The following TBC1D12 variants were observed in gnomAD, a reference collection of about 807,000 sequenced individuals.
TBC1D12 encodes the protein TBC1 domain family, member 12.
A neutral mutation model predicts 86.7 loss-of-function variants in TBC1D12; 56 were observed. The observed-to-expected ratio is 0.65, with a 90% confidence interval of 0.52 to 0.81. TBC1D12 has a LOEUF of 0.81. Ranked by LOEUF, TBC1D12 falls within the 30% of genes least tolerant of loss-of-function variation. TBC1D12 has a pLI of 0.00. For synonymous variants in TBC1D12, 421 were observed against 411.7 expected, an observed-to-expected ratio of 1.02 and a Z score of -0.27; for missense variants, 1,023 against 1,038.8, an observed-to-expected ratio of 0.98 and a Z score of 0.21.
In TBC1D12 at chr10:94,521,506, C is replaced by T. The variant is rs77504829; in HGVS notation, c.1762-449C>T. Reference sequence around the variant, plus strand: ...CCAGGCTCAACCCCCACAACGTCTCCTTTCTTGGTATTTCAGCAGCACTTC... The same window carrying T: ...CCAGGCTCAACCCCCACAACGTCTCTTTTCTTGGTATTTCAGCAGCACTTC... On this transcript the variant is annotated intron_variant, in intron 9 of 12. Transcript: ENST00000225235. Among the ~76,000 whole-genome samples the T allele has an allele frequency of 3.5e-4, 54 of 152,266 alleles. No individual in the cohort carries two copies. The East Asian group carries it at 9.1e-3, about 26-fold the overall frequency.
At chr10:94,454,501 G>A (rs757306972) in intron 2 of TBC1D12, among the ~76,000 whole-genome samples, 4 of 152,168 alleles carry the variant, frequency 2.6e-5, no homozygotes, top group Non-Finnish European at 5.9e-5. Flanking sequence ...GTGAGCCACT[G>A]CGCCCGGCGA....
Position 94,447,222 on chromosome 10 carries a change from C to A in TBC1D12, c.1095+5203C>A, listed in dbSNP as rs571411450. On this transcript the variant is annotated intron_variant, in intron 2 of 12. Transcript: ENST00000225235. Reference sequence around the variant, plus strand: ...TTCATTTTTTTGTGTGGAAAAAACACGTAATTATTTTTACATGTATATATT... The same window carrying A: ...TTCATTTTTTTGTGTGGAAAAAACAAGTAATTATTTTTACATGTATATATT... Among the ~76,000 whole-genome samples, 3 of 151,472 alleles carry A rather than the reference C, an allele frequency of 2.0e-5. 1 individual carries two copies. The highest frequency in any genetic ancestry group is 4.1e-4 in the South Asian group (2 of 4,832).
chr10:94,487,250 T>TA (rs962747342), intron 3 of TBC1D12, among the ~76,000 whole-genome samples: 1 of 151,532 alleles, frequency 6.6e-6, no homozygotes, highest in African/African-American at 2.4e-5. Flanking sequence ...GTCTTTTTTT[T>TA]TTTTTTTTAA....
At chr10:94,456,256 G>A (rs2055625997) in intron 2 of TBC1D12, among the ~76,000 whole-genome samples, 1 of 152,050 alleles carries the variant, frequency 6.6e-6, no homozygotes, top group Non-Finnish European at 1.5e-5. Context: ...TAAGGTGGAA[G>A]CTTAGATGAT....
intron 11 of TBC1D12, among the ~76,000 whole-genome samples, chr10:94,525,743 T>A (rs930793103): frequency 3.9e-5 from 6 of 152,158 alleles, no homozygotes; most frequent in African/African-American, 1.4e-4. Flanking sequence ...AAAAGTTAAT[T>A]TCTTAAGCTA....
At chr10:94,421,555 T>C (rs561359173) in intron 1 of TBC1D12, among the ~76,000 whole-genome samples, 2 of 152,320 alleles carry the variant, frequency 1.3e-5, no homozygotes, top group Admixed American at 1.3e-4. Flanking sequence ...TTATGCCCAT[T>C]AGTGAAATTG....
At chr10:94,485,031 T>G (rs1352451228) in intron 3 of TBC1D12, among the ~76,000 whole-genome samples, 1 of 152,206 alleles carries the variant, frequency 6.6e-6, no homozygotes, top group Non-Finnish European at 1.5e-5. Context: ...AATATAAGAT[T>G]ATCTCATCTG....
At chr10:94,409,308 A>G (rs1321818380) in intron 1 of TBC1D12, among the ~76,000 whole-genome samples, 1 of 151,348 alleles carries the variant, frequency 6.6e-6, no homozygotes, top group Non-Finnish European at 1.5e-5. Context: ...AGAAACTCTG[A>G]TTTTTGTGGA....
chr10:94,488,710 G>T (rs1453962053), intron 3 of TBC1D12, among the ~76,000 whole-genome samples: 1 of 151,754 alleles, frequency 6.6e-6, no homozygotes, highest in African/African-American at 2.4e-5. Context: ...TCTTTAGTCA[G>T]CATGTGATGA....
intron 1 of TBC1D12, among the ~76,000 whole-genome samples, chr10:94,411,656 G>T (rs1275676002): frequency 6.6e-6 from 1 of 152,012 alleles, no homozygotes; most frequent in Non-Finnish European, 1.5e-5. Context: ...CTATTATTTG[G>T]CTGGTGAATT....
chr10:94,451,203 A>G (rs2055544789), intron 2 of TBC1D12, among the ~76,000 whole-genome samples: 1 of 152,108 alleles, frequency 6.6e-6, no homozygotes, highest in Non-Finnish European at 1.5e-5. Context: ...ACACAAAGAA[A>G]TGATACATGT....
intron 9 of TBC1D12, among the ~76,000 whole-genome samples, chr10:94,518,486 G>A (rs1842060260): frequency 1.3e-5 from 2 of 152,058 alleles, no homozygotes; most frequent in Admixed American, 6.5e-5. Context: ...TGTATGTGTC[G>A]TAACAATGTC....
At chr10:94,411,299 A>G (rs2054924167) in intron 1 of TBC1D12, among the ~76,000 whole-genome samples, 1 of 152,206 alleles carries the variant, frequency 6.6e-6, no homozygotes, top group African/African-American at 2.4e-5. Flanking sequence ...GGTAATAAGT[A>G]CATTTTAGTT....
At chr10:94,515,043 G>A (rs1480446943) in intron 9 of TBC1D12, among the ~76,000 whole-genome samples, 26 of 149,314 alleles carry the variant, frequency 1.7e-4, no homozygotes, top group African/African-American at 5.4e-4. Context: ...AAGTAGCTGG[G>A]ACTACAGGCG....
intron 1 of TBC1D12, among the ~76,000 whole-genome samples, chr10:94,415,815 A>G (rs2054991901): frequency 6.6e-6 from 1 of 152,222 alleles, no homozygotes; most frequent in Non-Finnish European, 1.5e-5. Context: ...AATTGAACAA[A>G]TAACTGGAGG....
At chr10:94,439,729 G>A (rs1360167918) in intron 1 of TBC1D12, among the ~76,000 whole-genome samples, 1 of 152,152 alleles carries the variant, frequency 6.6e-6, no homozygotes, top group Non-Finnish European at 1.5e-5. Flanking sequence ...AAGGAGAAAT[G>A]ATTAAAGGAA....
chr10:94,521,997 T>C lies in TBC1D12; in HGVS notation c.1804T>C (p.Leu602=). 6.2e-7 allele frequency: 1 copy of C among 1,612,386 alleles called. No homozygotes were observed. The highest frequency in any genetic ancestry group is 1.1e-5 in the South Asian group (1 of 90,808). Residue 602 remains leucine, a synonymous_variant, in exon 10 of 13, where the codon TTG becomes CTG. Coordinates refer to ENST00000225235, the MANE Select transcript of TBC1D12 (RefSeq NM_015188.2). ...CATTGCAGCAGTACTCATTCTCAAT[T>C]TGGAAGAGGCAGATGCCTTTATCGC... ...SFIAAVLILN[L]EEADAFIAFA...
intron 1 of TBC1D12, among the ~76,000 whole-genome samples, chr10:94,411,885 G>A (rs1005619948): frequency 6.6e-6 from 1 of 152,194 alleles, no homozygotes; most frequent in African/African-American, 2.4e-5. Context: ...TTGAGCCAGC[G>A]AGGTCGGGGC....
intron 2 of TBC1D12, among the ~76,000 whole-genome samples, chr10:94,466,922 T>A (rs2055833375): frequency 6.6e-6 from 1 of 152,212 alleles, no homozygotes; most frequent in Non-Finnish European, 1.5e-5. Flanking sequence ...TTGTCATCTT[T>A]CCTTTTTTTA....
Sources: gnomAD v4.1 joint callset for allele counts (sites outside exome capture counted in the v4.1 genomes callset) on GRCh38, gnomAD v4.1.1 for gene constraint, MANE v1.5 for transcripts, NCBI Gene and HGNC (gene_info 2026-07-23, HGNC 2026-07-21) for gene names.